Variants in SCARB2 observed in about 807,000 individuals in gnomAD.
The protein encoded by SCARB2 is scavenger receptor class B member 2.
A neutral mutation model predicts 58.6 loss-of-function variants in SCARB2; 29 were observed. That is an observed-to-expected ratio of 0.49 (90% CI 0.37 to 0.67). The LOEUF (loss-of-function observed/expected upper bound fraction) is 0.67. Among genes scored for constraint, SCARB2 ranks in the 30% least tolerant of loss-of-function variants. The probability of loss-of-function intolerance (pLI) is 0.00; values close to 1 mark genes in which losing one functional copy is unlikely to be tolerated. For synonymous variants in SCARB2, 195 were observed against 210.1 expected, an observed-to-expected ratio of 0.93 and a Z score of 0.62; for missense variants, 488 against 578.5, an observed-to-expected ratio of 0.84 and a Z score of 1.60.
At chr4:76,213,824 T>TGCAGGGAGCGC (rs1018265416), upstream of SCARB2, 1 of 276,986 alleles carries the variant, frequency 3.6e-6, no homozygotes. Flanking sequence ...CTCGGGAGAG[T>TGCAGGGAGCGC]GCAGGGAGCG....
chr4:76,201,284 CTA>C (rs1400175400), intron 1 of SCARB2, among the ~76,000 whole-genome samples: 1 of 152,136 alleles, frequency 6.6e-6, no homozygotes, highest in African/African-American at 2.4e-5. Context: ...CCCCTCTGAA[CTA>C]TGTGTTTTCT....
intron 1 of SCARB2, among the ~76,000 whole-genome samples, chr4:76,197,759 T>C (rs1055706192): frequency 1.3e-5 from 2 of 152,176 alleles, no homozygotes; most frequent in African/African-American, 4.8e-5. Context: ...AATGTGAACT[T>C]TGAGTGTCGA....
chr4:76,205,323 C>T (rs1732908501), intron 1 of SCARB2, among the ~76,000 whole-genome samples: 1 of 150,922 alleles, frequency 6.6e-6, no homozygotes, highest in African/African-American at 2.5e-5. Flanking sequence ...GAAGCCCTAT[C>T]TCAAAACAAA....
chr4:76,222,937 G>A (rs1027548573), intron 1 of SCARB2, among the ~76,000 whole-genome samples: 11 of 152,182 alleles, frequency 7.2e-5, no homozygotes, highest in Non-Finnish European at 1.6e-4. Context: ...AAGAGGCCCA[G>A]GTGAAGCCTC....
intron 1 of SCARB2, among the ~76,000 whole-genome samples, chr4:76,196,818 T>C (rs1732722449): frequency 6.6e-6 from 1 of 152,184 alleles, no homozygotes; most frequent in South Asian, 2.1e-4. Context: ...TTTCCACCCC[T>C]GTTCTGTGTT....
rs539122440 is a variant in SCARB2 at position 76,160,030 on chromosome 4, C to T, written c.*1683G>A. The T allele has an allele frequency of 1.1e-4, 16 of 152,088 alleles. No individual in the cohort carries two copies. Among genetic ancestry groups the T allele is most frequent in the South Asian group, 6.2e-4 (3 of 4,818 alleles). 9.4% of individuals were successfully genotyped at this position (152,088 alleles called of 1,614,324 possible). ...CCAAATATTTTTGTTAGTTTTTTTACATTTTGGTGAGTTGGAGTATCTAAA... is the reference window on the plus strand; with the variant it reads ...CCAAATATTTTTGTTAGTTTTTTTATATTTTGGTGAGTTGGAGTATCTAAA... On this transcript the variant is annotated 3_prime_UTR_variant, in exon 12 of 12. Transcript: ENST00000264896.
intron 11 of SCARB2, chr4:76,162,767 T>G (rs1731924896): frequency 3.8e-6 from 1 of 261,706 alleles, no homozygotes; most frequent in African/African-American, 2.2e-5. Context: ...TATCATCTAA[T>G]CCTCATGAAA....
intron 1 of SCARB2, among the ~76,000 whole-genome samples, chr4:76,197,866 T>C (rs1044949826): frequency 2.6e-5 from 4 of 152,034 alleles, no homozygotes; most frequent in Non-Finnish European, 5.9e-5. Flanking sequence ...AAATTACTTC[T>C]GTAAGCAGAA....
At chr4:76,179,226 G>A (rs1019311096) in intron 4 of SCARB2, 1 of 386,396 alleles carries the variant, frequency 2.6e-6, no homozygotes, top group Admixed American at 3.7e-5. Context: ...GCTAATTTTT[G>A]TATTTTTAGT....
intron 1 of SCARB2, among the ~76,000 whole-genome samples, chr4:76,200,590 A>G (rs1034733260): frequency 1.3e-5 from 2 of 152,234 alleles, no homozygotes; most frequent in Non-Finnish European, 2.9e-5. Flanking sequence ...AAATTTAGCT[A>G]AGGACACAAA....
rs1731880846 is a variant in SCARB2, at chr4:76,160,820, G to A, written c.*893C>T. 6.6e-6 allele frequency: 1 copy of A among 151,930 alleles called. No individual in the cohort carries two copies. Among genetic ancestry groups the A allele is most frequent in the South Asian group, 2.1e-4 (1 of 4,820 alleles). 9.4% of individuals were successfully genotyped at this position (151,930 alleles called of 1,614,324 possible). On this transcript the variant is annotated 3_prime_UTR_variant, in exon 12 of 12. Coordinates refer to ENST00000264896, the MANE Select transcript of SCARB2 (RefSeq NM_005506.4). ...ACTCAATATTAGATTAATTAATACA[G>A]TAACATATTTGGCAAGGGCGACTCA...
At chr4:76,177,194 C>CA (rs1208310322) in intron 4 of SCARB2, 10 of 151,874 alleles carry the variant, frequency 6.6e-5, no homozygotes, top group African/African-American at 2.2e-4. Context: ...TTAAAATGGG[C>CA]AAAGGATTTG....
chr4:76,213,797 G>A lies in SCARB2; in HGVS notation c.-254C>T. The A allele has an allele frequency of 2.6e-6, 1 of 381,290 alleles. No individual in the cohort carries two copies. The highest frequency in any genetic ancestry group is 4.7e-6 in the Non-Finnish European group (1 of 213,294). The allele number at this position is 381,290 out of a possible 1,614,324, so 23.6% of individuals were successfully genotyped here. Reference sequence around the variant, plus strand: ...CGGTTTCCTTCGCCGGGCAGCCGTGGCGCCCGCCTAGCGCAGCTCGGGAGA... The same window carrying A: ...CGGTTTCCTTCGCCGGGCAGCCGTGACGCCCGCCTAGCGCAGCTCGGGAGA... On this transcript the variant is annotated 5_prime_UTR_variant, in exon 1 of 12. Transcript: ENST00000264896.
intron 7 of SCARB2, chr4:76,173,718 T>C: frequency 4.2e-6 from 1 of 237,648 alleles, no homozygotes; most frequent in South Asian, 5.8e-5. Flanking sequence ...CTTAGGACAG[T>C]GACTGGCATA....
At chr4:76,203,623 GT>G (rs1396165606) in intron 1 of SCARB2, among the ~76,000 whole-genome samples, 2 of 152,196 alleles carry the variant, frequency 1.3e-5, no homozygotes, top group African/African-American at 4.8e-5. Flanking sequence ...CAGAAGGCTG[GT>G]CAGAGACAGA....
At chr4:76,180,042 C>A (rs935808413) in intron 3 of SCARB2, 2 of 349,990 alleles carry the variant, frequency 5.7e-6, no homozygotes, top group Non-Finnish European at 1.1e-5. Context: ...TAAGCAGGGC[C>A]AGAGGCTCAT....
intron 4 of SCARB2, among the ~76,000 whole-genome samples, chr4:76,177,628 G>A (rs1213905382): frequency 6.6e-6 from 1 of 152,134 alleles, no homozygotes; most frequent in African/African-American, 2.4e-5. Flanking sequence ...CAACCCAAAT[G>A]TCCATCAACT....
At position 76,195,581 on chromosome 4, in the gene SCARB2, G is replaced by C; in HGVS notation, c.275+126C>G. On this transcript the variant is annotated intron_variant, in intron 2 of 11. Transcript: ENST00000264896. ...CATACAAAACATCAGCAGCGTTTCA[G>C]ACAATGAAATCAGAAAGTGTGCTCC... 4 of 806,982 alleles carry C rather than the reference G, an allele frequency of 5.0e-6. 1 individual carries two copies. Among genetic ancestry groups the C allele is most frequent in the South Asian group, 4.5e-5 (3 of 66,814 alleles). The allele number at this position is 806,982 out of a possible 1,614,324, so 50.0% of individuals were successfully genotyped here. A position where few individuals can be genotyped will look rare whatever the true frequency, so the allele number is the denominator to read the frequency against.
upstream of SCARB2, chr4:76,217,652 T>G: frequency 1.5e-6 from 1 of 654,434 alleles, no homozygotes; most frequent in Non-Finnish European, 2.8e-6. Flanking sequence ...TGCAGAACCA[T>G]GAGCCAAATA....
Sources: gnomAD v4.1 joint callset for allele counts (sites outside exome capture counted in the v4.1 genomes callset) on GRCh38, gnomAD v4.1.1 for gene constraint, MANE v1.5 for transcripts, NCBI Gene and HGNC (gene_info 2026-07-23, HGNC 2026-07-21) for gene names.